ATRNL1: variants seen among roughly 807,000 people sequenced by gnomAD.
ATRNL1 encodes the protein attractin like 1.
Under a neutral mutation model 182.7 loss-of-function variants are expected in ATRNL1, and 95 were observed. The ratio of observed to expected loss-of-function variants is 0.52; its 90% CI spans 0.44 to 0.62. The LOEUF is 0.62. ATRNL1 is among the 20% of genes least tolerant of loss of function. The pLI, the probability that ATRNL1 is intolerant of heterozygous loss-of-function variation, is 0.00. For missense variants in ATRNL1, 1,471 were observed against 1,679.5 expected (o/e 0.88, Z 2.17); for synonymous variants, 576 against 568.3 (o/e 1.01, Z -0.19).
intron 25 of ATRNL1, among the ~76,000 whole-genome samples, chr10:115,522,610 A>G (rs1445040987): frequency 6.6e-6 from 1 of 152,170 alleles, no homozygotes; most frequent in East Asian, 1.9e-4. Context: ...TTCTTCTCAC[A>G]TACAAAATAT....
intron 26 of ATRNL1, among the ~76,000 whole-genome samples, chr10:115,640,844 C>A (rs979606547): frequency 3.3e-5 from 5 of 152,110 alleles, no homozygotes; most frequent in Non-Finnish European, 7.3e-5. Flanking sequence ...GAAGTCTTTG[C>A]CCATGCCTAT....
In ATRNL1 at chr10:115,742,129, A is replaced by G. The variant is rs528193312; in HGVS notation, c.3903+14774A>G. On this transcript the variant is annotated intron_variant, in intron 27 of 28. Coordinates refer to ENST00000355044, the MANE Select transcript of ATRNL1 (RefSeq NM_207303.4). ...GCCAGACCGCAAGAGATGTGTGAAG[A>G]TGAGAAAGTGGATGCAACAAGGATA... 5.3e-5 allele frequency among the ~76,000 whole-genome samples: 8 copies of G among 152,288 alleles called. No homozygotes were observed. The East Asian group carries it at 1.5e-3, about 29-fold the overall frequency.
intron 26 of ATRNL1, among the ~76,000 whole-genome samples, chr10:115,591,435 C>T (rs1390022655): frequency 3.3e-5 from 5 of 152,104 alleles, no homozygotes; most frequent in African/African-American, 9.7e-5. Flanking sequence ...CAAATCCTCT[C>T]GGAGAAGATG....
At chr10:115,810,164 T>C (rs782784245) in intron 27 of ATRNL1, among the ~76,000 whole-genome samples, 8 of 152,010 alleles carry the variant, frequency 5.3e-5, no homozygotes, top group Non-Finnish European at 1.0e-4. Context: ...CATATGTTTT[T>C]TGTGCATGGC....
At chr10:115,930,101 C>T (rs1382290833) in intron 28 of ATRNL1, among the ~76,000 whole-genome samples, 1 of 152,088 alleles carries the variant, frequency 6.6e-6, no homozygotes, top group Admixed American at 6.6e-5. Flanking sequence ...ATAAGCTACA[C>T]CCAATTCACA....
chr10:115,854,624 T>C (rs367602103), intron 28 of ATRNL1, among the ~76,000 whole-genome samples: 3 of 152,310 alleles, frequency 2.0e-5, no homozygotes, highest in South Asian at 2.1e-4. Context: ...AGATGTAAAG[T>C]GAGCCGTCCT....
At chr10:115,429,974 G>A (rs932235825) in intron 21 of ATRNL1, among the ~76,000 whole-genome samples, 1 of 152,182 alleles carries the variant, frequency 6.6e-6, no homozygotes, top group Non-Finnish European at 1.5e-5. Flanking sequence ...CGGAGACTGA[G>A]ATGGGAGAAT....
rs1400021050 is a variant in ATRNL1 at position 115,112,116 on chromosome 10, T to C, written c.294-8069T>C. 3.3e-5 allele frequency among the ~76,000 whole-genome samples: 5 copies of C among 151,896 alleles called. No individual in the cohort carries two copies. The East Asian group carries it at 9.6e-4, about 29-fold the overall frequency. On this transcript the variant is annotated intron_variant, in intron 1 of 28. Coordinates refer to ENST00000355044, the MANE Select transcript of ATRNL1 (RefSeq NM_207303.4). ...TAACCAAAGAGGTAAAAGATCTATA[T>C]GTAGAAAACTAGAAAACATTAATGA...
At chr10:115,835,468 A>G (rs1555095119) in intron 27 of ATRNL1, among the ~76,000 whole-genome samples, 1 of 152,190 alleles carries the variant, frequency 6.6e-6, no homozygotes, top group Non-Finnish European at 1.5e-5. Flanking sequence ...CAGCCAAGGT[A>G]GGAAAATTGA....
chr10:115,324,631 G>A (rs1033457100), intron 18 of ATRNL1, among the ~76,000 whole-genome samples: 1 of 152,090 alleles, frequency 6.6e-6, no homozygotes, highest in Admixed American at 6.5e-5. Context: ...CACAAGTTAT[G>A]TTTTTCTTTC....
intron 9 of ATRNL1, among the ~76,000 whole-genome samples, chr10:115,216,103 A>G (rs1564826939): frequency 6.6e-6 from 1 of 152,120 alleles, no homozygotes; most frequent in East Asian, 1.9e-4. Context: ...TCATCTGTAA[A>G]TTTTAAAAAG....
rs181899314 is a variant in ATRNL1, at chr10:115,723,659, G to A, written c.3796-3589G>A. On this transcript the variant is annotated intron_variant, in intron 26 of 28. Transcript: ENST00000355044. ...CACCTCCCGGGTTCAAGTGATTCTC[G>A]TGTCTCAGCCTCCTGAGTAGCTGGG... Among the ~76,000 whole-genome samples the A allele has an allele frequency of 4.5e-3, 681 of 151,876 alleles. 2 individuals carry two copies. Among genetic ancestry groups the A allele is most frequent in the Non-Finnish European group, 6.8e-3 (462 of 67,968 alleles).
intron 15 of ATRNL1, among the ~76,000 whole-genome samples, chr10:115,295,006 G>A (rs1853107696): frequency 6.6e-6 from 1 of 152,162 alleles, no homozygotes; most frequent in Non-Finnish European, 1.5e-5. Flanking sequence ...GCTTGCTGGG[G>A]TTGAGGTCAT....
intron 1 of ATRNL1, among the ~76,000 whole-genome samples, chr10:115,103,305 C>T (rs1843859099): frequency 6.6e-6 from 1 of 152,054 alleles, no homozygotes; most frequent in African/African-American, 2.4e-5. Flanking sequence ...TCCCAAAGTG[C>T]TGGGATTACA....
chr10:115,831,767 G>GTCTTTT (rs5788116), intron 27 of ATRNL1, among the ~76,000 whole-genome samples: 2 of 136,754 alleles, frequency 1.5e-5, no homozygotes, highest in Non-Finnish European at 1.5e-5. Context: ...AGTCAAGTGA[G>GTCTTTT]TTTTTTTTTT....
intron 8 of ATRNL1, among the ~76,000 whole-genome samples, chr10:115,175,465 CTTATTCT>C (rs1847465758): frequency 6.6e-6 from 1 of 151,888 alleles, no homozygotes; most frequent in African/African-American, 2.4e-5. Context: ...TTTCTTTTGG[CTTATTCT>C]ACAACCAAAA....
intron 17 of ATRNL1, among the ~76,000 whole-genome samples, chr10:115,304,185 T>G (rs1554925496): frequency 6.6e-6 from 1 of 152,176 alleles, no homozygotes; most frequent in Non-Finnish European, 1.5e-5. Context: ...CATAAGTATC[T>G]TCAGGACTTT....
chr10:115,562,701 C>G (rs1853828740), intron 26 of ATRNL1, among the ~76,000 whole-genome samples: 1 of 152,168 alleles, frequency 6.6e-6, no homozygotes, highest in Non-Finnish European at 1.5e-5. Context: ...CACTCATTCT[C>G]TCTCCTGTCC....
chr10:115,787,052 C>T (rs1258569175), intron 27 of ATRNL1, among the ~76,000 whole-genome samples: 1 of 152,078 alleles, frequency 6.6e-6, no homozygotes, highest in Non-Finnish European at 1.5e-5. Context: ...TTGAAAATAT[C>T]AAAGGTTCTT....
Sources: gnomAD v4.1 joint callset for allele counts (sites outside exome capture counted in the v4.1 genomes callset) on GRCh38, gnomAD v4.1.1 for gene constraint, MANE v1.5 for transcripts, NCBI Gene and HGNC (gene_info 2026-07-23, HGNC 2026-07-21) for gene names.